PCDHGA4: variants seen among roughly 807,000 people sequenced by gnomAD.
The protein encoded by PCDHGA4 is protocadherin gamma-A4.
PCDHGA4 carries 38 observed loss-of-function variants against 54.6 expected under a neutral mutation model. The ratio of observed to expected loss-of-function variants is 0.70; its 90% CI spans 0.54 to 0.91. The LOEUF (loss-of-function observed/expected upper bound fraction) is 0.91, where lower values mean the gene tolerates loss of function less well. Ranked by LOEUF, PCDHGA4 falls within the 40% of genes least tolerant of loss-of-function variation. The pLI is 0.00. For missense variants in PCDHGA4, 1,298 were observed against 1,220.9 expected (o/e 1.06, Z -0.94); for synonymous variants, 511 against 512.9 (o/e 1.00, Z 0.05).
At chr5:141,430,774 A>G (rs1269572813) in intron 1 of PCDHGA4, 11 of 1,508,872 alleles carry the variant, frequency 7.3e-6, no homozygotes, top group Non-Finnish European at 8.8e-7. Context: ...TTCCTGCGCG[A>G]CTGCACCGGG....
rs147674746 is a variant in PCDHGA4, at chr5:141,477,348, C to G, written c.2515-17459C>G. 7 of 1,614,180 alleles carry G rather than the reference C, an allele frequency of 4.3e-6. No individual in the cohort carries two copies. Among genetic ancestry groups the G allele is most frequent in the Non-Finnish European group, 5.9e-6 (7 of 1,180,030 alleles). ...CTCAAGAATTACTTCACTTTGAAAA[C>G]CAGTGCAGACCTGGATCGGGAGACT... is the stretch of plus-strand genomic sequence containing the variant. On this transcript the variant is annotated intron_variant, in intron 1 of 3. Transcript: ENST00000571252. The surrounding 1 kb of genome is among the most constrained non-coding windows in gnomAD (Gnocchi z 4.9).
intron 1 of PCDHGA4, chr5:141,370,714 A>C: frequency 6.2e-7 from 1 of 1,613,830 alleles, no homozygotes. Context: ...CTGGAATTTG[A>C]AATGGTTGCT....
At chr5:141,394,686 G>A in intron 1 of PCDHGA4, 4 of 1,612,316 alleles carry the variant, frequency 2.5e-6, no homozygotes, top group Non-Finnish European at 3.4e-6. Context: ...GCACACGGGC[G>A]AGGTGCGCAC....
chr5:141,483,660 G>GTCTGTA (rs2099584988), intron 1 of PCDHGA4, among the ~76,000 whole-genome samples: 1 of 152,094 alleles, frequency 6.6e-6, no homozygotes, highest in Non-Finnish European at 1.5e-5. Context: ...GTGTGTGTGT[G>GTCTGTA]TGTGTGTGTA....
Position 141,356,405 on chromosome 5 carries a change from A to G in PCDHGA4, c.1298A>G (p.Tyr433Cys), listed in dbSNP as rs1760213147. The G allele has an allele frequency of 3.1e-6, 5 of 1,590,826 alleles. No individual in the cohort carries two copies. Among genetic ancestry groups the G allele is most frequent in the South Asian group, 1.1e-5 (1 of 88,282 alleles). ...FTLEKTYGNY[Y>C]RLLTHRTLDR... ...CTTGAAAAGACCTATGGAAATTATT[A>G]TCGGTTGTTGACACACAGAACACTG... Residue 433 changes from tyrosine (Y) to cysteine (C), a missense_variant, in exon 1 of 4, where the codon TAT (tyrosine) becomes TGT (cysteine). By Grantham distance (194) the Tyr-to-Cys change is radical. Transcript: ENST00000571252.
Position 141,357,262 on chromosome 5 carries a change from GGCC to G in PCDHGA4, c.2156_2158del (p.Gly719_Leu720delinsVal). The G allele has an allele frequency of 1.2e-6, 2 of 1,613,786 alleles. No individual in the cohort carries two copies. The highest frequency in any genetic ancestry group is 4.5e-5 in the East Asian group (2 of 44,874). ...GCCTTCAGCAGACCCAGACGACTCG[GGCC>G]TCACACTCTATCTCGTGGTGGCAGT... On this transcript the variant is annotated inframe_deletion, in exon 1 of 4. Transcript: ENST00000571252.
At chr5:141,430,628 C>A in intron 1 of PCDHGA4, 2 of 798,952 alleles carry the variant, frequency 2.5e-6, no homozygotes, top group Non-Finnish European at 3.7e-6. Context: ...TAGGAATGAA[C>A]CATCCCTGGG....
rs1318239086 is a variant in PCDHGA4 at position 141,375,939 on chromosome 5, T to C, written c.2514+18318T>C. 2.5e-6 allele frequency: 4 copies of C among 1,613,658 alleles called. No homozygotes were observed. In the East Asian group the frequency reaches 8.9e-5, roughly 36 times the overall value. On this transcript the variant is annotated intron_variant, in intron 1 of 3. Transcript: ENST00000571252. ...GCCAGCGAGCCAGGACTTTTCTCAGTGGGCCTGCACACGGGCGAGGTGCGC... is the reference window on the plus strand; with the variant it reads ...GCCAGCGAGCCAGGACTTTTCTCAGCGGGCCTGCACACGGGCGAGGTGCGC...
At chr5:141,467,643 C>G (rs2099147861) in intron 1 of PCDHGA4, among the ~76,000 whole-genome samples, 1 of 152,112 alleles carries the variant, frequency 6.6e-6, no homozygotes, top group Non-Finnish European at 1.5e-5. Flanking sequence ...TTATCATGTA[C>G]CAAACTTCTA....
intron 1 of PCDHGA4, among the ~76,000 whole-genome samples, chr5:141,482,914 A>G (rs1023561837): frequency 6.6e-6 from 1 of 152,162 alleles, no homozygotes; most frequent in Non-Finnish European, 1.5e-5. Context: ...TCTATTAAAA[A>G]TACAAAAAAT....
chr5:141,375,317 C>A (rs758382127), intron 1 of PCDHGA4: 10 of 1,613,790 alleles, frequency 6.2e-6, no homozygotes, highest in South Asian at 2.2e-5. Flanking sequence ...AGCTCTAGAC[C>A]GGGAAGAGGT....
At chr5:141,365,339 G>A in intron 1 of PCDHGA4, 7 of 1,613,990 alleles carry the variant, frequency 4.3e-6, no homozygotes, top group Non-Finnish European at 5.1e-6. Context: ...GGTGGTCACA[G>A]TACAGGACGT....
At position 141,485,789 on chromosome 5, in the gene PCDHGA4, T is replaced by G. The variant is rs1276069810; in HGVS notation, c.2515-9018T>G. The G allele has an allele frequency of 1.2e-6, 2 of 1,613,978 alleles. No individual in the cohort carries two copies. The highest frequency in any genetic ancestry group is 1.7e-6 in the Non-Finnish European group (2 of 1,180,030). On this transcript the variant is annotated intron_variant, in intron 1 of 3. Coordinates refer to ENST00000571252, the MANE Select transcript of PCDHGA4 (RefSeq NM_018917.4). This position sits in a 1 kb window ranked among gnomAD's most constrained non-coding sequence, Gnocchi z 5.7. ...GAAGCCTTTGGATCGAGAGAAGCAATCGGACTACCGCCTGGTGCTGACTGC... is the reference window on the plus strand; with the variant it reads ...GAAGCCTTTGGATCGAGAGAAGCAAGCGGACTACCGCCTGGTGCTGACTGC...
At chr5:141,398,908 G>C (rs2093725359) in intron 1 of PCDHGA4, 1 of 1,613,860 alleles carries the variant, frequency 6.2e-7, no homozygotes, top group South Asian at 1.1e-5. Flanking sequence ...AGGCACCACT[G>C]TGTTGCAAGT....
At chr5:141,420,254 G>C (rs186977117) in intron 1 of PCDHGA4, 3 of 1,569,172 alleles carry the variant, frequency 1.9e-6, no homozygotes, top group Admixed American at 3.8e-5. Context: ...CGTTGAAGCA[G>C]ATAAGAAGAT....
At chr5:141,425,491 C>G (rs1243033082) in intron 1 of PCDHGA4, among the ~76,000 whole-genome samples, 1 of 152,200 alleles carries the variant, frequency 6.6e-6, no homozygotes, top group Non-Finnish European at 1.5e-5. Context: ...ACCTACTAGG[C>G]TATACCTTTA....
At chr5:141,388,657 G>A (rs769160604) in intron 1 of PCDHGA4, 2 of 1,613,760 alleles carry the variant, frequency 1.2e-6, no homozygotes, top group Admixed American at 1.7e-5. Context: ...GTGTACCCGG[G>A]GACCACGGTG....
intron 1 of PCDHGA4, chr5:141,382,669 G>GT (rs1778360255): frequency 2.3e-6 from 1 of 433,228 alleles, no homozygotes. Context: ...CAGCGCCGCT[G>GT]TTCACCAACC....
intron 1 of PCDHGA4, chr5:141,423,278 A>C: frequency 1.2e-6 from 2 of 1,613,940 alleles, no homozygotes; most frequent in Non-Finnish European, 1.7e-6. Flanking sequence ...TCTCTGGCTA[A>C]CTCTGAAACC....
Sources: allele counts gnomAD v4.1 joint callset (sites outside exome capture counted in the v4.1 genomes callset), GRCh38; gene constraint gnomAD v4.1.1; non-coding constraint Gnocchi (gnomAD v3.1); transcripts MANE v1.5; gene names NCBI Gene and HGNC (gene_info 2026-07-23, HGNC 2026-07-21).